MAMDC2: variants seen among roughly 807,000 people sequenced by gnomAD.
MAMDC2 encodes the protein MAM domain-containing protein 2.
Under a neutral mutation model 89.8 loss-of-function variants are expected in MAMDC2, and 57 were observed. That is an observed-to-expected ratio of 0.63 (90% CI 0.51 to 0.79). The LOEUF (loss-of-function observed/expected upper bound fraction) is 0.79, where lower values mean the gene tolerates loss of function less well. Ranked by LOEUF, MAMDC2 falls within the 30% of genes least tolerant of loss-of-function variation. MAMDC2 has a pLI of 0.00. For missense variants in MAMDC2, 800 were observed against 820.6 expected, an observed-to-expected ratio of 0.97 and a Z score of 0.31; for synonymous variants, 313 against 293.4, an observed-to-expected ratio of 1.07 and a Z score of -0.68.
intron 11 of MAMDC2, among the ~76,000 whole-genome samples, chr9:70,185,527 C>A (rs2032735558): frequency 6.6e-6 from 1 of 152,190 alleles, no homozygotes; most frequent in South Asian, 2.1e-4. Flanking sequence ...GGCTCTGTCC[C>A]AGGGAGATGG....
intron 11 of MAMDC2, among the ~76,000 whole-genome samples, chr9:70,178,373 AC>A (rs138248263): frequency 0.069 from 10,464 of 152,078 alleles, 572 homozygotes; most frequent in East Asian, 0.22. Flanking sequence ...TTAACAAGGA[AC>A]CTACTCCCAT....
intron 4 of MAMDC2, among the ~76,000 whole-genome samples, chr9:70,112,015 C>A (rs564549081): frequency 6.6e-6 from 1 of 152,172 alleles, no homozygotes; most frequent in Non-Finnish European, 1.5e-5. Context: ...GGCAAGTAAA[C>A]CCCTGATTTC....
chr9:70,217,555 G>A (rs1457820612), intron 11 of MAMDC2: 32 of 1,591,610 alleles, frequency 2.0e-5, no homozygotes, highest in Non-Finnish European at 9.5e-6. Context: ...GGCTAAGCAA[G>A]CATCTAAAAA....
chr9:70,213,507 T>C (rs769097240), intron 11 of MAMDC2, among the ~76,000 whole-genome samples: 3 of 152,228 alleles, frequency 2.0e-5, no homozygotes, highest in Non-Finnish European at 4.4e-5. Flanking sequence ...ATTGGATTCC[T>C]TTGTACATAG....
chr9:70,193,578 C>T (rs2032925018), intron 11 of MAMDC2, among the ~76,000 whole-genome samples: 1 of 148,310 alleles, frequency 6.7e-6, no homozygotes, highest in South Asian at 2.2e-4. Context: ...TGCATTTAGT[C>T]CTAACAACCT....
intron 11 of MAMDC2, among the ~76,000 whole-genome samples, chr9:70,213,792 A>C (rs1482335604): frequency 6.6e-6 from 1 of 152,234 alleles, no homozygotes; most frequent in Non-Finnish European, 1.5e-5. Flanking sequence ...TACTTCAGAT[A>C]GTGTAGAACT....
intron 11 of MAMDC2, among the ~76,000 whole-genome samples, chr9:70,176,559 C>T: frequency 6.6e-6 from 1 of 152,194 alleles, no homozygotes; most frequent in East Asian, 1.9e-4. Context: ...TGGTGCACAA[C>T]ACAGAAAATT....
intron 11 of MAMDC2, among the ~76,000 whole-genome samples, chr9:70,210,118 TG>T (rs527698896): frequency 7.5e-4 from 115 of 152,324 alleles, no homozygotes; most frequent in African/African-American, 2.7e-3. Context: ...TCTGTCGATT[TG>T]GGGTGGAGAG....
Position 70,202,814 on chromosome 9 carries a change from CTTCT to C in MAMDC2, c.1652-15520_1652-15517del, listed in dbSNP as rs1255629712. Among the ~76,000 whole-genome samples the C allele has an allele frequency of 7.6e-3, 1,143 of 151,232 alleles. 15 individuals are homozygous for C. Among genetic ancestry groups the C allele is most frequent in the African/African-American group, 0.026 (1,083 of 40,968 alleles). ...GATCCCTTTACCATTATGTAATGGC[CTTCT>C]TTGTCTCTTGTGATCTTTGTTGGTT... On this transcript the variant is annotated intron_variant, in intron 11 of 13. Coordinates refer to ENST00000377182, the MANE Select transcript of MAMDC2 (RefSeq NM_153267.5).
At chr9:70,173,387 A>ATGCAGGAATGAATGAATGAATGAG (rs1215293591) in intron 11 of MAMDC2, among the ~76,000 whole-genome samples, 43 of 152,308 alleles carry the variant, frequency 2.8e-4, no homozygotes, top group Non-Finnish European at 5.1e-4. Flanking sequence ...GAATGAATGA[A>ATGCAGGAATGAATGAATGAATGAG]TGCACAAATG....
intron 2 of MAMDC2, among the ~76,000 whole-genome samples, chr9:70,095,148 C>T (rs748689100): frequency 6.6e-6 from 1 of 152,164 alleles, no homozygotes; most frequent in Non-Finnish European, 1.5e-5. Flanking sequence ...AAAAGAAATT[C>T]TGTAGCTGCC....
chr9:70,050,512 C>T (rs903847932), intron 2 of MAMDC2, among the ~76,000 whole-genome samples: 2 of 152,104 alleles, frequency 1.3e-5, no homozygotes, highest in African/African-American at 4.8e-5. Flanking sequence ...GTCTCAGTTT[C>T]CTTGGCTATA....
At chr9:70,197,262 A>G (rs767182443) in intron 11 of MAMDC2, among the ~76,000 whole-genome samples, 1 of 152,160 alleles carries the variant, frequency 6.6e-6, no homozygotes, top group Non-Finnish European at 1.5e-5. Context: ...AATTAAAACC[A>G]GAAACTGCAA....
intron 7 of MAMDC2, among the ~76,000 whole-genome samples, chr9:70,134,871 G>A (rs1451476965): frequency 1.3e-5 from 2 of 152,122 alleles, no homozygotes; most frequent in East Asian, 3.9e-4. Flanking sequence ...GCCTGCTTTT[G>A]GGCTGGCACA....
chr9:70,173,675 T>G (rs926207513), intron 11 of MAMDC2, among the ~76,000 whole-genome samples: 3 of 152,152 alleles, frequency 2.0e-5, no homozygotes, highest in Admixed American at 2.0e-4. Flanking sequence ...TATGGTAGAC[T>G]ACTACAGGGA....
At chr9:70,112,710 T>A (rs1181007808) in intron 4 of MAMDC2, among the ~76,000 whole-genome samples, 1 of 152,088 alleles carries the variant, frequency 6.6e-6, no homozygotes, top group Non-Finnish European at 1.5e-5. Flanking sequence ...CCATTTCACA[T>A]ATGGAGACAC....
intron 11 of MAMDC2, among the ~76,000 whole-genome samples, chr9:70,173,367 T>TGGAA (rs2032409008): frequency 6.6e-6 from 1 of 152,084 alleles, no homozygotes; most frequent in Non-Finnish European, 1.5e-5. Flanking sequence ...AAAATGCCTA[T>TGGAA]GGAATGAATG....
At chr9:70,177,580 C>G (rs1233586337) in intron 11 of MAMDC2, among the ~76,000 whole-genome samples, 1 of 152,170 alleles carries the variant, frequency 6.6e-6, no homozygotes, top group Non-Finnish European at 1.5e-5. Context: ...CGCTAGGAAC[C>G]TCAACATCCT....
chr9:70,058,986 C>T (rs748658672), intron 2 of MAMDC2, among the ~76,000 whole-genome samples: 27 of 152,194 alleles, frequency 1.8e-4, no homozygotes, highest in Non-Finnish European at 2.9e-4. Flanking sequence ...AGGATCCCCA[C>T]GACTGACCTA....
Sources: gnomAD v4.1 joint callset for allele counts (sites outside exome capture counted in the v4.1 genomes callset) on GRCh38, gnomAD v4.1.1 for gene constraint, MANE v1.5 for transcripts, NCBI Gene and HGNC (gene_info 2026-07-23, HGNC 2026-07-21) for gene names.